The following LRRC4C variants were observed in gnomAD, a reference collection of about 807,000 sequenced individuals.
The protein encoded by LRRC4C is leucine-rich repeat-containing protein 4C.
A neutral mutation model predicts 33.6 loss-of-function variants in LRRC4C; 5 were observed. The ratio of observed to expected loss-of-function variants is 0.15; its 90% CI spans 0.08 to 0.31. The LOEUF (loss-of-function observed/expected upper bound fraction) is 0.31, where lower values mean the gene tolerates loss of function less well. LRRC4C is among the 10% of genes least tolerant of loss of function. The pLI is 1.00. For missense variants in LRRC4C, 560 were observed against 796.7 expected (o/e 0.70, Z 3.58); for synonymous variants, 329 against 302.0 (o/e 1.09, Z -0.93).
chr11:41,050,566 G>C (rs1329256692), intron 1 of LRRC4C, among the ~76,000 whole-genome samples: 2 of 152,028 alleles, frequency 1.3e-5, no homozygotes, highest in African/African-American at 4.8e-5. Context: ...TCCTGTGTTA[G>C]TTTGCTGAGA....
rs1375545491 is a variant in LRRC4C at position 40,912,551 on chromosome 11, A to C, written c.-407+21084T>G. On this transcript the variant is annotated intron_variant, in intron 2 of 6. Coordinates refer to ENST00000528697, the MANE Select transcript of LRRC4C (RefSeq NM_001258419.2). ...TAAAAGAGCTCCTGAAGGAAGCGCT[A>C]AACATGGAAAGGAACAACTGGTACC... Among the ~76,000 whole-genome samples the C allele has an allele frequency of 2.0e-5, 3 of 152,212 alleles. No individual in the cohort carries two copies. The East Asian group carries it at 5.8e-4, about 29-fold the overall frequency.
chr11:41,179,543 C>T (rs576239332), intron 1 of LRRC4C, among the ~76,000 whole-genome samples: 5 of 152,148 alleles, frequency 3.3e-5, no homozygotes, highest in South Asian at 2.1e-4. Flanking sequence ...CTACTTTCCT[C>T]GTATTTTATT....
At chr11:41,009,034 G>T (rs1343039380) in intron 1 of LRRC4C, among the ~76,000 whole-genome samples, 1 of 151,860 alleles carries the variant, frequency 6.6e-6, no homozygotes, top group Admixed American at 6.6e-5. Flanking sequence ...GAAAGATAAC[G>T]CCAACTTTTA....
chr11:41,282,289 A>G (rs577971196), intron 1 of LRRC4C, among the ~76,000 whole-genome samples: 25 of 152,336 alleles, frequency 1.6e-4, no homozygotes, highest in African/African-American at 5.8e-4. Flanking sequence ...TTAAGTTTCC[A>G]TCTGCAATCA....
intron 1 of LRRC4C, among the ~76,000 whole-genome samples, chr11:41,181,387 C>T (rs2136155220): frequency 6.6e-6 from 1 of 152,148 alleles, no homozygotes; most frequent in Non-Finnish European, 1.5e-5. Context: ...AAAAGGCATC[C>T]AACGCCATAT....
intron 1 of LRRC4C, among the ~76,000 whole-genome samples, chr11:41,088,667 G>C (rs1010075625): frequency 3.3e-5 from 5 of 152,014 alleles, no homozygotes; most frequent in Non-Finnish European, 7.4e-5. Context: ...AAGTTAAATG[G>C]TTATCTTTAA....
intron 5 of LRRC4C, among the ~76,000 whole-genome samples, chr11:40,169,321 G>A (rs1032849779): frequency 1.3e-5 from 2 of 152,000 alleles, no homozygotes; most frequent in African/African-American, 4.8e-5. Context: ...TGAAATTCTG[G>A]ACCAGGGAAG....
At chr11:41,120,539 TC>T (rs142669721) in intron 1 of LRRC4C, among the ~76,000 whole-genome samples, 1,744 of 152,256 alleles carry the variant, frequency 0.011, 36 homozygotes, top group African/African-American at 0.039. Context: ...GGTGCTTATT[TC>T]TTGTGCTCCT....
chr11:40,593,801 T>G (rs1959165109), intron 3 of LRRC4C, among the ~76,000 whole-genome samples: 1 of 152,238 alleles, frequency 6.6e-6, no homozygotes, highest in Non-Finnish European at 1.5e-5. Flanking sequence ...TTTTCCACAT[T>G]TTTTAAAAAC....
intron 1 of LRRC4C, among the ~76,000 whole-genome samples, chr11:41,458,026 T>C (rs1036234849): frequency 6.6e-6 from 1 of 152,190 alleles, no homozygotes; most frequent in Admixed American, 6.5e-5. Context: ...ATAATCAACG[T>C]TTTGAGTATG....
intron 3 of LRRC4C, among the ~76,000 whole-genome samples, chr11:40,525,398 A>T (rs1057274162): frequency 2.6e-5 from 4 of 152,108 alleles, no homozygotes; most frequent in Admixed American, 2.6e-4. Context: ...GTGAGCCAAG[A>T]TTGCACCACT....
chr11:40,565,216 C>T lies in LRRC4C; in HGVS notation c.-270+82926G>A, dbSNP rs796149940. 5.3e-5 allele frequency among the ~76,000 whole-genome samples: 8 copies of T among 152,080 alleles called. No individual in the cohort carries two copies. The South Asian group carries it at 1.2e-3, about 24-fold the overall frequency. On this transcript the variant is annotated intron_variant, in intron 3 of 6. Transcript: ENST00000528697. Reference sequence around the variant, plus strand: ...CAGCAACCGTGGAGAAATTATTCTCCATCATTTATATGGAGAAGTGAGTCT... The same window carrying T: ...CAGCAACCGTGGAGAAATTATTCTCTATCATTTATATGGAGAAGTGAGTCT...
intron 6 of LRRC4C, among the ~76,000 whole-genome samples, chr11:40,133,433 G>T (rs1424586316): frequency 6.6e-6 from 1 of 152,108 alleles, no homozygotes; most frequent in East Asian, 1.9e-4. Flanking sequence ...TTCCTAGAGA[G>T]TAACCAAAAA....
intron 2 of LRRC4C, among the ~76,000 whole-genome samples, chr11:40,903,234 A>C (rs1956283025): frequency 6.6e-6 from 1 of 152,196 alleles, no homozygotes; most frequent in South Asian, 2.1e-4. Flanking sequence ...AAATGGAACA[A>C]CAAAGGCTGG....
chr11:41,446,561 CT>C (rs1449214172), intron 1 of LRRC4C, among the ~76,000 whole-genome samples: 1 of 151,930 alleles, frequency 6.6e-6, no homozygotes, highest in Non-Finnish European at 1.5e-5. Flanking sequence ...GATGGGTTTT[CT>C]TTCTCAGTGG....
intron 2 of LRRC4C, among the ~76,000 whole-genome samples, chr11:40,723,588 T>C (rs1947137220): frequency 6.6e-6 from 1 of 152,172 alleles, no homozygotes; most frequent in Non-Finnish European, 1.5e-5. Flanking sequence ...TAGACTGGCC[T>C]TATAAGAGAC....
intron 3 of LRRC4C, among the ~76,000 whole-genome samples, chr11:40,408,140 T>C (rs1472356380): frequency 6.6e-6 from 1 of 151,992 alleles, no homozygotes; most frequent in Non-Finnish European, 1.5e-5. Context: ...CTGAAGCTCT[T>C]TGATGGATGT....
chr11:41,457,517 A>T (rs1956207633), intron 1 of LRRC4C, among the ~76,000 whole-genome samples: 1 of 152,116 alleles, frequency 6.6e-6, no homozygotes, highest in Non-Finnish European at 1.5e-5. Context: ...TCTTATTCAT[A>T]TATTATTCTC....
At chr11:40,753,403 G>A (rs1948791576) in intron 2 of LRRC4C, among the ~76,000 whole-genome samples, 1 of 151,102 alleles carries the variant, frequency 6.6e-6, no homozygotes, top group Non-Finnish European at 1.5e-5. Flanking sequence ...CCATATATAT[G>A]TAAAATATGA....
Sources: gnomAD v4.1 joint callset for allele counts (sites outside exome capture counted in the v4.1 genomes callset) on GRCh38, gnomAD v4.1.1 for gene constraint, MANE v1.5 for transcripts, NCBI Gene and HGNC (gene_info 2026-07-23, HGNC 2026-07-21) for gene names.